NSD1: variants seen among roughly 807,000 people sequenced by gnomAD.
NSD1 encodes the protein histone-lysine N-methyltransferase, H3 lysine-36 specific.
In NSD1, 26 loss-of-function variants were observed where a neutral mutation model predicts 242.7. That is an observed-to-expected ratio of 0.11 (90% CI 0.08 to 0.15). The LOEUF is 0.15. Among genes scored for constraint, NSD1 ranks in the 10% least tolerant of loss-of-function variants. The pLI is 1.00. For synonymous variants in NSD1, 1,106 were observed against 1,178.1 expected (o/e 0.94, Z 1.25); for missense variants, 2,495 against 3,272.8 (o/e 0.76, Z 5.80).
intron 20 of NSD1, among the ~76,000 whole-genome samples, chr5:177,285,664 C>T (rs922592510): frequency 6.6e-6 from 1 of 150,718 alleles, no homozygotes; most frequent in African/African-American, 2.4e-5. Flanking sequence ...AGGATATGAG[C>T]AAAACAGTTA....
rs1760235695 is a variant in NSD1 at position 177,296,068 on chromosome 5, C to T, written c.*609C>T. The T allele has an allele frequency of 3.9e-6, 1 of 253,776 alleles. No individual in the cohort carries two copies. The highest frequency in any genetic ancestry group is 7.7e-6 in the Non-Finnish European group (1 of 129,076). The allele number at this position is 253,776 out of a possible 1,614,324, so 15.7% of individuals were successfully genotyped here. On this transcript the variant is annotated 3_prime_UTR_variant, in exon 23 of 23. Transcript: ENST00000439151. ...ACTCATTTTGAAATGTCCTTTGTGG[C>T]ACCAGAAGTGGTTGTGTTGAGGAAG...
rs888867356 is a variant in NSD1 at position 177,134,109 on chromosome 5, GCCTCCT to G, written c.-18+160_-18+165del. 1 of 147,426 alleles carries G rather than the reference GCCTCCT, an allele frequency of 6.8e-6. No homozygotes were observed. The highest frequency in any genetic ancestry group is 2.2e-4 in the East Asian group (1 of 4,472). 9.1% of individuals were successfully genotyped at this position (147,426 alleles called of 1,614,324 possible). On this transcript the variant is annotated intron_variant, in intron 1 of 22. Coordinates refer to ENST00000439151, the MANE Select transcript of NSD1 (RefSeq NM_022455.5). The surrounding 1 kb of genome is among the most constrained non-coding windows in gnomAD (Gnocchi z 4.2). Reference sequence around the variant, plus strand: ...GTGGCCGGCGGCGCTGCAGCCGCCGGCCTCCTCCCCCTCCCCCTCCTCCATCACTAC... The same window carrying G: ...GTGGCCGGCGGCGCTGCAGCCGCCGGCCCCCTCCCCCTCCTCCATCACTAC...
At chr5:177,241,335 A>G (rs944583076) in intron 8 of NSD1, among the ~76,000 whole-genome samples, 5 of 150,764 alleles carry the variant, frequency 3.3e-5, no homozygotes, top group Non-Finnish European at 5.9e-5. Context: ...CGTCTCTACT[A>G]ATAATACAAA....
At chr5:177,266,629 C>A in intron 14 of NSD1, 1 of 540,532 alleles carries the variant, frequency 1.9e-6, no homozygotes. Flanking sequence ...CCAAGACCCC[C>A]GCCTTTTTCT....
Position 177,234,217 on chromosome 5 carries a change from C to T in NSD1, c.3797-1604C>T, listed in dbSNP as rs537689798. On this transcript the variant is annotated intron_variant, in intron 5 of 22. Transcript: ENST00000439151. ...TGGATAACAAGAAAGCTTTTAATAT[C>T]GACAAAGAGGCTCCCGTTTCTTTGT... is the stretch of plus-strand genomic sequence containing the variant. Among the ~76,000 whole-genome samples, 79 of 152,302 alleles carry T rather than the reference C, an allele frequency of 5.2e-4. 1 individual carries two copies. The highest frequency in any genetic ancestry group is 1.4e-3 in the Admixed American group (22 of 15,304).
intron 22 of NSD1, among the ~76,000 whole-genome samples, chr5:177,293,112 G>A (rs1003867151): frequency 9.9e-5 from 15 of 152,202 alleles, no homozygotes; most frequent in Admixed American, 3.3e-4. Context: ...GCTCAGGGTC[G>A]TCACTGGCGC....
intron 2 of NSD1, among the ~76,000 whole-genome samples, chr5:177,177,702 G>A (rs1366856051): frequency 1.3e-5 from 2 of 152,024 alleles, no homozygotes; most frequent in East Asian, 3.9e-4. Context: ...AATTATATGT[G>A]TGAGAACCTA....
chr5:177,147,537 A>G (rs1405858266), intron 2 of NSD1, among the ~76,000 whole-genome samples: 1 of 151,888 alleles, frequency 6.6e-6, no homozygotes, highest in Non-Finnish European at 1.5e-5. Flanking sequence ...TTCCCTTAGC[A>G]TAATTTCCAG....
intron 5 of NSD1, among the ~76,000 whole-genome samples, chr5:177,217,828 C>T (rs768502813): frequency 2.6e-5 from 4 of 151,786 alleles, no homozygotes; most frequent in South Asian, 2.1e-4. Flanking sequence ...ACACCACGCC[C>T]GGCTAATTTT....
At chr5:177,144,382 GT>G (rs10714468) in intron 2 of NSD1, among the ~76,000 whole-genome samples, 113,930 of 149,058 alleles carry the variant, frequency 0.76, 44,700 homozygotes, top group East Asian at 1. Context: ...CTAAGTTTTT[GT>G]TTTTTTTTTT....
chr5:177,172,520 C>T (rs1384878747), intron 2 of NSD1, among the ~76,000 whole-genome samples: 1 of 152,116 alleles, frequency 6.6e-6, no homozygotes, highest in Non-Finnish European at 1.5e-5. Flanking sequence ...TCATATGATA[C>T]ATAGAAATGA....
intron 13 of NSD1, among the ~76,000 whole-genome samples, chr5:177,259,179 A>G (rs1305543792): frequency 6.6e-6 from 1 of 152,228 alleles, no homozygotes; most frequent in Non-Finnish European, 1.5e-5. Context: ...GTGTGCCAAA[A>G]GAACCTTGAC....
intron 2 of NSD1, among the ~76,000 whole-genome samples, chr5:177,160,043 C>A (rs1174226367): frequency 6.6e-6 from 1 of 151,980 alleles, no homozygotes; most frequent in East Asian, 1.9e-4. Flanking sequence ...GTGTGCACCA[C>A]CATGCCTGAA....
intron 2 of NSD1, among the ~76,000 whole-genome samples, chr5:177,165,095 C>T (rs1031035750): frequency 6.6e-6 from 1 of 152,092 alleles, no homozygotes; most frequent in African/African-American, 2.4e-5. Context: ...AGGGAAACCT[C>T]ATCTCCACAA....
In NSD1 at chr5:177,267,103, C is replaced by T. The variant is rs560021092; in HGVS notation, c.5147-459C>T. ...TAACTCCTGACCTCAGGTGATCCAC[C>T]TGCTGCAGCCTTCCAAAGTGCTGGG... is the stretch of plus-strand genomic sequence containing the variant. On this transcript the variant is annotated intron_variant, in intron 14 of 22. Transcript: ENST00000439151. 5.5e-4 allele frequency among the ~76,000 whole-genome samples: 84 copies of T among 152,302 alleles called. No individual in the cohort carries two copies. In the South Asian group the frequency reaches 9.7e-3, roughly 18 times the overall value.
intron 2 of NSD1, among the ~76,000 whole-genome samples, chr5:177,152,519 G>A (rs551807572): frequency 2.9e-4 from 36 of 124,392 alleles, no homozygotes; most frequent in African/African-American, 4.7e-4. Context: ...TCCCTCTGTC[G>A]CCAGGTTCAC....
At chr5:177,228,481 T>G (rs148458370) in intron 5 of NSD1, among the ~76,000 whole-genome samples, 28 of 152,198 alleles carry the variant, frequency 1.8e-4, no homozygotes, top group Middle Eastern at 3.4e-3. Context: ...CCTCCCAAAG[T>G]GCTGGGATTA....
At chr5:177,217,666 CTTTT>C (rs543853335) in intron 5 of NSD1, among the ~76,000 whole-genome samples, 3 of 106,260 alleles carry the variant, frequency 2.8e-5, no homozygotes, top group Admixed American at 9.2e-5. Flanking sequence ...GCGTCACATT[CTTTT>C]TTTTTTTTTT....
chr5:177,278,307 A>C (rs1180688075), intron 17 of NSD1, among the ~76,000 whole-genome samples: 2 of 152,112 alleles, frequency 1.3e-5, no homozygotes, highest in African/African-American at 4.8e-5. Context: ...ATAGGGTTTC[A>C]TTGTGTTGCC....
Sources: gnomAD v4.1 joint callset for allele counts (sites outside exome capture counted in the v4.1 genomes callset) on GRCh38, gnomAD v4.1.1 for gene constraint, Gnocchi (gnomAD v3.1) non-coding constraint, MANE v1.5 for transcripts, NCBI Gene and HGNC (gene_info 2026-07-23, HGNC 2026-07-21) for gene names.